Variants in ZNF474 observed in about 807,000 individuals in gnomAD.
The protein encoded by ZNF474 is zinc finger protein 474, also known as 4933409D10Rik.
For synonymous variants in ZNF474, 192 were observed against 162.2 expected, an observed-to-expected ratio of 1.18 and a Z score of -1.39; for missense variants, 511 against 433.8, an observed-to-expected ratio of 1.18 and a Z score of -1.58.
In ZNF474 at chr5:122,152,853, C is replaced by T. The variant is rs866005374; in HGVS notation, c.863C>T (p.Pro288Leu). 2.5e-6 allele frequency: 4 copies of T among 1,614,030 alleles called. No homozygotes were observed. In the African/African-American group the frequency reaches 5.3e-5, roughly 22 times the overall value. The change falls in exon 2 of 2, where the codon CCA (proline) becomes CTA (leucine). Residue 288 changes from proline to leucine, a missense_variant. Transcript: ENST00000296600. ...AATCAAGCTCAGCTTGTGTTCTGCC[C>T]ACATTGTAGCCGAATCTTTACCTCA... Reference protein sequence around the residue: ...GPNQAQLVFCPHCSRIFTSDR... With the variant: ...GPNQAQLVFCLHCSRIFTSDR...
chr5:122,133,927 C>A (rs916145392), intron 1 of ZNF474, among the ~76,000 whole-genome samples: 2 of 152,144 alleles, frequency 1.3e-5, no homozygotes, highest in African/African-American at 4.8e-5. Flanking sequence ...ACCAACTGGA[C>A]CTTCATATGA....
rs141485863 is a variant in ZNF474, at chr5:122,143,822, G to T, written c.-212-7957G>T. On this transcript the variant is annotated intron_variant, in intron 1 of 1. Coordinates refer to ENST00000296600, the MANE Select transcript of ZNF474 (RefSeq NM_207317.3). ...AATAATCTAACAATCCTCATCTGGGGAGTCATTTAATGGTGAAGAAAGGTC... is the reference window on the plus strand; with the variant it reads ...AATAATCTAACAATCCTCATCTGGGTAGTCATTTAATGGTGAAGAAAGGTC... Among the ~76,000 whole-genome samples the T allele has an allele frequency of 7.5e-3, 1,140 of 152,238 alleles. 9 individuals are homozygous for T. The highest frequency in any genetic ancestry group is 0.026 in the African/African-American group (1,090 of 41,534).
chr5:122,152,031 A>C lies in ZNF474; in HGVS notation c.41A>C (p.Gln14Pro). Residue 14 changes from glutamine to proline, a missense_variant, in exon 2 of 2, where the codon CAA (glutamine) becomes CCA (proline). Coordinates refer to ENST00000296600, the MANE Select transcript of ZNF474 (RefSeq NM_207317.3). ...GKKKRISNKL[Q>P]QTFHHSKEPT... is the part of the protein sequence containing the mutation. ...AAGAAAAGAATTTCCAATAAGTTAC[A>C]ACAAACTTTTCACCATTCTAAAGAA... The C allele has an allele frequency of 6.2e-7, 1 of 1,612,554 alleles. No homozygotes were observed. Among genetic ancestry groups the C allele is most frequent in the Non-Finnish European group, 8.5e-7 (1 of 1,179,680 alleles).
intron 1 of ZNF474, among the ~76,000 whole-genome samples, chr5:122,141,101 TTTTATTTTA>T (rs1755828004): frequency 7.5e-5 from 1 of 13,272 alleles, no homozygotes; most frequent in African/African-American, 2.5e-4. Context: ...TTATTTTTTA[TTTTATTTTA>T]TTTTATTTTA....
At chr5:122,145,863 A>C (rs560216553) in intron 1 of ZNF474, among the ~76,000 whole-genome samples, 1 of 152,324 alleles carries the variant, frequency 6.6e-6, no homozygotes, top group Non-Finnish European at 1.5e-5. Flanking sequence ...GGGTTGTTAC[A>C]TCCGTTTGAA....
At chr5:122,131,774 C>A (rs1272097772) in intron 1 of ZNF474, among the ~76,000 whole-genome samples, 2 of 152,000 alleles carry the variant, frequency 1.3e-5, no homozygotes, top group Non-Finnish European at 2.9e-5. Flanking sequence ...TTTTCATGAA[C>A]TTCTTGGAGA....
Position 122,138,503 on chromosome 5 carries a change from A to G in ZNF474, c.-213+8820A>G, listed in dbSNP as rs144378507. ...AATTATTGTGAAATGAACAAAGAACAAAACGAAGAGTAGTGAGGACTGGAA... is the reference window on the plus strand; with the variant it reads ...AATTATTGTGAAATGAACAAAGAACGAAACGAAGAGTAGTGAGGACTGGAA... On this transcript the variant is annotated intron_variant, in intron 1 of 1. Coordinates refer to ENST00000296600, the MANE Select transcript of ZNF474 (RefSeq NM_207317.3). Among the ~76,000 whole-genome samples the G allele has an allele frequency of 4.6e-5, 7 of 152,382 alleles. 1 individual carries two copies. In the East Asian group the frequency reaches 1.3e-3, roughly 29 times the overall value.
At chr5:122,146,262 G>A (rs1461137460) in intron 1 of ZNF474, among the ~76,000 whole-genome samples, 1 of 151,758 alleles carries the variant, frequency 6.6e-6, no homozygotes, top group Non-Finnish European at 1.5e-5. Flanking sequence ...AAGAAGGTTG[G>A]GAGTATACAG....
chr5:122,138,945 G>A (rs556274807), intron 1 of ZNF474, among the ~76,000 whole-genome samples: 12 of 152,220 alleles, frequency 7.9e-5, no homozygotes, highest in African/African-American at 2.9e-4. Flanking sequence ...TTTTGTGAAA[G>A]ACTTTTTCCA....
intron 1 of ZNF474, among the ~76,000 whole-genome samples, chr5:122,146,558 T>C (rs905524923): frequency 6.6e-6 from 1 of 152,200 alleles, no homozygotes; most frequent in African/African-American, 2.4e-5. Flanking sequence ...ATCTGAAATT[T>C]GAAATAACAT....
chr5:122,132,972 C>T (rs374175379), intron 1 of ZNF474, among the ~76,000 whole-genome samples: 48 of 152,210 alleles, frequency 3.2e-4, no homozygotes, highest in Middle Eastern at 6.8e-3. Context: ...GTGAACCATA[C>T]GCAAGAATTA....
chr5:122,135,277 C>T (rs1419170592), intron 1 of ZNF474, among the ~76,000 whole-genome samples: 1 of 152,080 alleles, frequency 6.6e-6, no homozygotes, highest in Non-Finnish European at 1.5e-5. Flanking sequence ...AGAGACCAGC[C>T]TGGGCAACAT....
At chr5:122,135,863 AT>A (rs1308945076) in intron 1 of ZNF474, among the ~76,000 whole-genome samples, 3 of 152,168 alleles carry the variant, frequency 2.0e-5, no homozygotes, top group Non-Finnish European at 2.9e-5. Flanking sequence ...ACTAGAGGAC[AT>A]TATGTTAAGT....
Position 122,153,026 on chromosome 5 carries a change from A to G in ZNF474, c.1036A>G (p.Lys346Glu), listed in dbSNP as rs777052154. 1 of 1,614,020 alleles carries G rather than the reference A, an allele frequency of 6.2e-7. No homozygotes were observed. Among genetic ancestry groups the G allele is most frequent in the African/African-American group, 1.3e-5 (1 of 74,920 alleles). Residue 346 changes from lysine (K) to glutamate (E), a missense_variant, in exon 2 of 2, where the codon AAG becomes GAG. Coordinates refer to ENST00000296600, the MANE Select transcript of ZNF474 (RefSeq NM_207317.3). ...CAGGGCAGCACCCAGTGTAACTGAT[A>G]AGGTAATTCATGCCACACAAGACGC... ...RNRAAPSVTD[K>E]VIHATQDALG...
chr5:122,136,470 G>A (rs1755704539), intron 1 of ZNF474, among the ~76,000 whole-genome samples: 1 of 152,152 alleles, frequency 6.6e-6, no homozygotes, highest in South Asian at 2.1e-4. Context: ...CAGCACAAGT[G>A]ACTAGCTGCT....
At chr5:122,137,446 CAAAAAAAAAAAAAAAAAA>C (rs1166694085) in intron 1 of ZNF474, among the ~76,000 whole-genome samples, 13 of 11,614 alleles carry the variant, frequency 1.1e-3, no homozygotes, top group African/African-American at 1.7e-3. Flanking sequence ...GACTCTGTCT[CAAAAAAAAAAAAAAAAAA>C]AAAAAAAAAA....
At chr5:122,136,022 G>T (rs1289293056) in intron 1 of ZNF474, among the ~76,000 whole-genome samples, 1 of 152,050 alleles carries the variant, frequency 6.6e-6, no homozygotes, top group East Asian at 1.9e-4. Context: ...AATAGGGGTT[G>T]GTTAATGAGC....
chr5:122,136,907 A>G (rs2152603856), intron 1 of ZNF474, among the ~76,000 whole-genome samples: 1 of 152,354 alleles, frequency 6.6e-6, no homozygotes, highest in South Asian at 2.1e-4. Context: ...GTTATGACCT[A>G]CAATGTGCCT....
chr5:122,148,044 T>A (rs1160085728), intron 1 of ZNF474: 1 of 152,286 alleles, frequency 6.6e-6, no homozygotes, highest in Admixed American at 6.5e-5. Flanking sequence ...GTTCTCTTTA[T>A]AAACTAGCAA....
Sources: gnomAD v4.1 joint callset for allele counts (sites outside exome capture counted in the v4.1 genomes callset) on GRCh38, gnomAD v4.1.1 for gene constraint, MANE v1.5 for transcripts, NCBI Gene and HGNC (gene_info 2026-07-23, HGNC 2026-07-21) for gene names.